Variants in GALK2 observed in about 807,000 individuals in gnomAD.
The protein encoded by GALK2 is N-acetylgalactosamine kinase.
Under a neutral mutation model 52.4 loss-of-function variants are expected in GALK2, and 36 were observed. The observed-to-expected ratio is 0.69, with a 90% CI of 0.53 to 0.91. The LOEUF (loss-of-function observed/expected upper bound fraction) is 0.91. Ranked by LOEUF, GALK2 falls within the 40% of genes least tolerant of loss-of-function variation. The probability of loss-of-function intolerance (pLI) is 0.00; values close to 1 mark genes in which losing one functional copy is unlikely to be tolerated. For synonymous variants in GALK2, 176 were observed against 199.1 expected, an observed-to-expected ratio of 0.88 and a Z score of 0.98; for missense variants, 579 against 559.1, an observed-to-expected ratio of 1.04 and a Z score of -0.36.
At chr15:49,200,550 C>T (rs1306437700) in intron 1 of GALK2, among the ~76,000 whole-genome samples, 7 of 152,230 alleles carry the variant, frequency 4.6e-5, no homozygotes, top group East Asian at 1.9e-4. Context: ...TGTGATGACA[C>T]GGCAGAGATT....
chr15:49,364,957 A>C (rs1364006501), intron 3 of GALK2, among the ~76,000 whole-genome samples: 1 of 152,188 alleles, frequency 6.6e-6, no homozygotes, highest in Non-Finnish European at 1.5e-5. Context: ...TTAAAAGCAA[A>C]GCATTTTAAT....
intron 2 of GALK2, among the ~76,000 whole-genome samples, chr15:49,215,354 A>G (rs970058449): frequency 3.3e-5 from 5 of 152,200 alleles, no homozygotes; most frequent in African/African-American, 1.2e-4. Flanking sequence ...TTTAAAGCCA[A>G]TAACTCTTAG....
chr15:49,235,764 G>A, intron 3 of GALK2, 87 bp from the exon 4 acceptor site: 1 of 860,740 alleles, frequency 1.2e-6, no homozygotes, highest in Non-Finnish European at 2.0e-6. Context: ...GTATCGCTGT[G>A]TTGGCACAAG....
intron 5 of GALK2, among the ~76,000 whole-genome samples, chr15:49,262,029 C>G (rs1026660828): frequency 4.6e-5 from 7 of 152,102 alleles, no homozygotes; most frequent in South Asian, 2.1e-4. Context: ...CTAAAATTCT[C>G]TTTTTTGGTT....
At chr15:49,284,718 C>T (rs1313491896) in intron 7 of GALK2, among the ~76,000 whole-genome samples, 1 of 152,146 alleles carries the variant, frequency 6.6e-6, no homozygotes, top group Non-Finnish European at 1.5e-5. Flanking sequence ...CTTGATTCAG[C>T]CTAACTTCCA....
intron 4 of GALK2, 62 bp downstream of exon 4, chr15:49,236,003 T>G: frequency 1.0e-6 from 1 of 965,588 alleles, no homozygotes; most frequent in South Asian, 1.3e-5. Context: ...CTGTCAGATT[T>G]ATTTTATTTA....
intron 1 of GALK2, among the ~76,000 whole-genome samples, chr15:49,198,036 A>G (rs2087394224): frequency 6.6e-6 from 1 of 152,206 alleles, no homozygotes; most frequent in Non-Finnish European, 1.5e-5. Context: ...TCTCTATAAA[A>G]TAGAAGAAGC....
intron 3 of GALK2, among the ~76,000 whole-genome samples, chr15:49,223,697 A>C (rs1180458844): frequency 6.6e-6 from 1 of 152,132 alleles, no homozygotes; most frequent in Non-Finnish European, 1.5e-5. Flanking sequence ...AGCTGCATCC[A>C]TGTTGTCGCA....
At chr15:49,316,225 G>A (rs1464815868) in intron 8 of GALK2, among the ~76,000 whole-genome samples, 2 of 152,094 alleles carry the variant, frequency 1.3e-5, no homozygotes, top group African/African-American at 4.8e-5. Flanking sequence ...ATTTAAATAT[G>A]GACTGAATAT....
At chr15:49,264,238 G>GC (rs2092264523) in intron 5 of GALK2, among the ~76,000 whole-genome samples, 1 of 151,674 alleles carries the variant, frequency 6.6e-6, no homozygotes, top group African/African-American at 2.4e-5. Context: ...TTTTCACATA[G>GC]TCCCATATTT....
chr15:49,245,343 C>A (rs1278318861), intron 5 of GALK2, among the ~76,000 whole-genome samples: 28 of 152,126 alleles, frequency 1.8e-4, no homozygotes, highest in Admixed American at 1.8e-3. Context: ...GAGCTAGGGG[C>A]TGCCTTTGTT....
At chr15:49,281,259 A>G (rs753179142) in intron 5 of GALK2, among the ~76,000 whole-genome samples, 2 of 152,158 alleles carry the variant, frequency 1.3e-5, no homozygotes, top group Non-Finnish European at 2.9e-5. Context: ...AGTTGCATAA[A>G]CATGTGTGAA....
chr15:49,170,394 C>G lies in GALK2; in HGVS notation c.53+19C>G. 6.3e-7 allele frequency: 1 copy of G among 1,576,702 alleles called. No individual in the cohort carries two copies. The highest frequency in any genetic ancestry group is 2.3e-5 in the East Asian group (1 of 43,074). On this transcript the variant is annotated intron_variant, in intron 1 of 9. Transcript: ENST00000560031. ...ATCCTAGGTGGGGGAGAGGAGACGCCGGGCTTTGGGATCTGCTGGGTTGGC... is the reference window on the plus strand; with the variant it reads ...ATCCTAGGTGGGGGAGAGGAGACGCGGGGCTTTGGGATCTGCTGGGTTGGC...
chr15:49,333,852 T>C (rs987586279), downstream of GALK2, among the ~76,000 whole-genome samples: 1 of 152,198 alleles, frequency 6.6e-6, no homozygotes, highest in Non-Finnish European at 1.5e-5. Flanking sequence ...ATGAGCCCAA[T>C]TTTTCTTGCT....
chr15:49,242,873 C>G (rs2091166709), intron 5 of GALK2, among the ~76,000 whole-genome samples: 1 of 152,152 alleles, frequency 6.6e-6, no homozygotes, highest in Admixed American at 6.5e-5. Context: ...ATCTTCTTTT[C>G]TCAAAAATCA....
In GALK2 at chr15:49,178,268, AT is replaced by A. The variant is rs2085660336; in HGVS notation, c.53+7894del. The A allele has an allele frequency of 2.1e-5, 3 of 142,996 alleles. 1 individual carries two copies. The South Asian group carries it at 6.6e-4, about 31-fold the overall frequency. The allele number at this position is 142,996 out of a possible 1,614,324, so 8.9% of individuals were successfully genotyped here. On this transcript the variant is annotated intron_variant, in intron 1 of 9. Transcript: ENST00000560031. ...AATATGTCTATATGTATAAATAAAA[AT>A]ATATGTACATGTATATCATATATAC...
At chr15:49,226,957 T>C (rs1306723983) in intron 3 of GALK2, among the ~76,000 whole-genome samples, 1 of 152,232 alleles carries the variant, frequency 6.6e-6, no homozygotes. Flanking sequence ...TGATACACAC[T>C]GTCTAGTTTT....
At chr15:49,167,809 C>G (rs907010176), upstream of GALK2, among the ~76,000 whole-genome samples, 2 of 152,176 alleles carry the variant, frequency 1.3e-5, no homozygotes, top group Non-Finnish European at 2.9e-5. Context: ...GCTTACTTAG[C>G]AAGATGCCTA....
At chr15:49,318,320 G>A (rs1306155312) in intron 8 of GALK2, 2 of 151,966 alleles carry the variant, frequency 1.3e-5, no homozygotes, top group African/African-American at 4.8e-5. Flanking sequence ...ACATATATGT[G>A]TCAAAAGGAA....
Sources: gnomAD v4.1 joint callset for allele counts (sites outside exome capture counted in the v4.1 genomes callset) on GRCh38, gnomAD v4.1.1 for gene constraint, MANE v1.5 for transcripts, NCBI Gene and HGNC (gene_info 2026-07-23, HGNC 2026-07-21) for gene names.